The following SCGN variants were observed in gnomAD, a reference collection of about 807,000 sequenced individuals.
The protein encoded by SCGN is secretagogin, EF-hand calcium binding protein.
SCGN carries 30 observed loss-of-function variants against 39.7 expected under a neutral mutation model. The observed-to-expected ratio is 0.76, with a 90% CI of 0.57 to 1.03. The LOEUF is 1.03. Ranked by LOEUF, SCGN falls within the 50% of genes least tolerant of loss-of-function variation. SCGN has a pLI of 0.00. For synonymous variants in SCGN, 106 were observed against 114.1 expected (o/e 0.93, Z 0.45); for missense variants, 353 against 349.4 (o/e 1.01, Z -0.08).
intron 6 of SCGN, among the ~76,000 whole-genome samples, chr6:25,671,405 C>T (rs917684015): frequency 6.6e-6 from 1 of 152,166 alleles, no homozygotes; most frequent in Non-Finnish European, 1.5e-5. Flanking sequence ...TCCCTCTGTA[C>T]TCTGCTCTGA....
intron 6 of SCGN, among the ~76,000 whole-genome samples, chr6:25,673,533 G>A (rs59570431): frequency 0.058 from 8,864 of 152,206 alleles, 366 homozygotes; most frequent in African/African-American, 0.11. Flanking sequence ...GCCTAGATTC[G>A]TAAGTCTAGA....
At chr6:25,653,504 C>T (rs748602090) in intron 2 of SCGN, 52 bp downstream of exon 2, 2 of 1,312,058 alleles carry the variant, frequency 1.5e-6, no homozygotes, top group South Asian at 1.2e-5. Context: ...AAGATACGCA[C>T]ATCCAAGTCT....
At chr6:25,698,388 G>A (rs1759864869) in intron 10 of SCGN, among the ~76,000 whole-genome samples, 1 of 152,166 alleles carries the variant, frequency 6.6e-6, no homozygotes, top group African/African-American at 2.4e-5. Context: ...AACAAACTTA[G>A]AATAGTTTGA....
At chr6:25,653,994 C>T (rs1224117070) in intron 2 of SCGN, among the ~76,000 whole-genome samples, 4 of 152,172 alleles carry the variant, frequency 2.6e-5, no homozygotes, top group Non-Finnish European at 4.4e-5. Flanking sequence ...GCCAATCTAT[C>T]TAGTGTCCAT....
intron 9 of SCGN, among the ~76,000 whole-genome samples, chr6:25,690,717 A>G (rs111829871): frequency 6.6e-5 from 10 of 152,362 alleles, no homozygotes; most frequent in African/African-American, 2.4e-4. Context: ...TCTATACCTC[A>G]AAGGATTAAT....
intron 10 of SCGN, among the ~76,000 whole-genome samples, chr6:25,700,240 T>A (rs1017266139): frequency 4.6e-4 from 3 of 6,476 alleles, no homozygotes; most frequent in Non-Finnish European, 5.8e-4. Flanking sequence ...CGACTTCGTC[T>A]CAAAAAAAAA....
chr6:25,691,242 G>A, intron 10 of SCGN, 118 bp downstream of exon 10: 1 of 738,110 alleles, frequency 1.4e-6, no homozygotes, highest in Middle Eastern at 2.5e-4. Flanking sequence ...TAGGGATGTA[G>A]TTTATTTAAT....
At chr6:25,698,978 C>G (rs913969395) in intron 10 of SCGN, among the ~76,000 whole-genome samples, 14 of 152,120 alleles carry the variant, frequency 9.2e-5, no homozygotes, top group African/African-American at 3.4e-4. Flanking sequence ...CGAGTCTTAA[C>G]GTGGCTTGGC....
At chr6:25,674,977 C>T (rs556186423) in intron 6 of SCGN, among the ~76,000 whole-genome samples, 198 of 152,218 alleles carry the variant, frequency 1.3e-3, no homozygotes, top group African/African-American at 4.6e-3. Flanking sequence ...GAAACTTGAA[C>T]TTTTATAAAA....
intron 6 of SCGN, among the ~76,000 whole-genome samples, chr6:25,671,834 A>G (rs901017922): frequency 1.3e-5 from 2 of 151,882 alleles, no homozygotes; most frequent in Non-Finnish European, 2.9e-5. Context: ...TATTTTTAAC[A>G]TTGATTTAAC....
intron 2 of SCGN, among the ~76,000 whole-genome samples, chr6:25,658,002 C>CCTT (rs1760258008): frequency 2.1e-5 from 1 of 47,646 alleles, no homozygotes; most frequent in Non-Finnish European, 4.1e-5. Flanking sequence ...AGAAAGGTAT[C>CCTT]CTTTTTTTTT....
chr6:25,660,165 C>T (rs1471041047), intron 2 of SCGN, among the ~76,000 whole-genome samples: 1 of 152,196 alleles, frequency 6.6e-6, no homozygotes, highest in East Asian at 1.9e-4. Context: ...AAGAGCATGG[C>T]TTAGTGCCCA....
chr6:25,701,199 G>A lies in SCGN; in HGVS notation c.703-8G>A. The A allele has an allele frequency of 6.2e-7, 1 of 1,605,314 alleles. No individual in the cohort carries two copies. The highest frequency in any genetic ancestry group is 1.1e-5 in the South Asian group (1 of 89,194). On this transcript the variant is annotated splice_polypyrimidine_tract_variant and splice_region_variant and intron_variant, in intron 10 of 10. Coordinates refer to ENST00000377961, the MANE Select transcript of SCGN (RefSeq NM_006998.4). The stretch of plus-strand genomic sequence containing the variant: ...TGCCTGTTAACATGTTACTTTTGTC[G>A]CCCTCAGCCCAGCATCAGCGGGGTG...
At chr6:25,652,544 C>A in intron 1 of SCGN, 59 bp downstream of exon 1, 1 of 1,505,664 alleles carries the variant, frequency 6.6e-7, no homozygotes, top group Admixed American at 1.7e-5. Flanking sequence ...GCTCAGCCCG[C>A]TGAAAGGACC....
At chr6:25,668,956 CA>C (rs1759447343) in intron 4 of SCGN, among the ~76,000 whole-genome samples, 1 of 151,790 alleles carries the variant, frequency 6.6e-6, no homozygotes, top group African/African-American at 2.4e-5. Flanking sequence ...CTAAAAATAC[CA>C]AAAATTAGCC....
At chr6:25,655,561 G>A (rs929247276) in intron 2 of SCGN, among the ~76,000 whole-genome samples, 2 of 152,196 alleles carry the variant, frequency 1.3e-5, no homozygotes, top group African/African-American at 2.4e-5. Context: ...GGTGTCCTGC[G>A]CAACTGCATT....
At chr6:25,653,542 A>C in intron 2 of SCGN, 90 bp downstream of exon 2, 1 of 892,610 alleles carries the variant, frequency 1.1e-6, no homozygotes, top group Non-Finnish European at 1.8e-6. Context: ...ATTAATTCCA[A>C]CTCACCTCCT....
chr6:25,679,727 A>C (rs967372926), intron 6 of SCGN, among the ~76,000 whole-genome samples: 1 of 152,228 alleles, frequency 6.6e-6, no homozygotes, highest in Non-Finnish European at 1.5e-5. Flanking sequence ...ACTATCATGA[A>C]GTTTATATTT....
rs550146574 is a variant in SCGN, at chr6:25,657,534, G to A, written c.154-4018G>A. On this transcript the variant is annotated intron_variant, in intron 2 of 10. Coordinates refer to ENST00000377961, the MANE Select transcript of SCGN (RefSeq NM_006998.4). Reference sequence around the variant, plus strand: ...CTTATGCTGACGCAATATCTTCTTGGGTCCTTAGTTTTCCCAGTGTTTATT... The same window carrying A: ...CTTATGCTGACGCAATATCTTCTTGAGTCCTTAGTTTTCCCAGTGTTTATT... Among the ~76,000 whole-genome samples the A allele has an allele frequency of 2.7e-3, 415 of 151,922 alleles. 1 individual carries two copies. Among genetic ancestry groups the A allele is most frequent in the Non-Finnish European group, 4.9e-3 (331 of 67,962 alleles).
Sources: allele counts gnomAD v4.1 joint callset (sites outside exome capture counted in the v4.1 genomes callset), GRCh38; gene constraint gnomAD v4.1.1; transcripts MANE v1.5; gene names NCBI Gene and HGNC (gene_info 2026-07-23, HGNC 2026-07-21).